GATA3: variants seen among roughly 807,000 people sequenced by gnomAD.
GATA3 encodes the protein GATA binding protein 3, also known as trans-acting T-cell-specific transcription factor GATA-3.
GATA3 carries 6 observed loss-of-function variants against 36.0 expected under a neutral mutation model. The observed-to-expected ratio is 0.17, with a 90% CI of 0.09 to 0.33. The LOEUF (loss-of-function observed/expected upper bound fraction) is 0.33. GATA3 is among the 10% of genes least tolerant of loss of function. GATA3 has a pLI of 1.00. For missense variants in GATA3, 514 were observed against 610.1 expected, an observed-to-expected ratio of 0.84 and a Z score of 1.66; for synonymous variants, 326 against 273.0, an observed-to-expected ratio of 1.19 and a Z score of -1.92.
upstream of GATA3, chr10:8,050,931 G>T (rs1295273114): frequency 2.1e-6 from 1 of 469,160 alleles, no homozygotes; most frequent in Admixed American, 2.4e-5. Context: ...GGCGCCCGGG[G>T]CCGCTTCTCC....
intron 5 of GATA3, 49 bp downstream of exon 5, chr10:8,069,647 C>A (rs1433836967): frequency 1.2e-6 from 2 of 1,609,616 alleles, no homozygotes; most frequent in East Asian, 4.5e-5. Context: ...CTGATGGTGA[C>A]CAGCAAACAG....
rs1832974698 is a variant in GATA3 at position 8,073,962 on chromosome 10, C to T, written c.1274C>T (p.Pro425Leu). 8 of 1,614,066 alleles carry T rather than the reference C, an allele frequency of 5.0e-6. No homozygotes were observed. Among genetic ancestry groups the T allele is most frequent in the African/African-American group, 1.3e-5 (1 of 74,920 alleles). Residue 425 changes from proline to leucine, a missense_variant, in exon 6 of 6, where the codon CCG becomes CTG. By Grantham distance (98) the Pro-to-Leu change is moderately conservative (BLOSUM62 -3). This residue lies in a region of GATA3 where 89 missense variants were observed against 104.2 expected (regional missense o/e 0.85). Transcript: ENST00000379328. ...HMLTTPTPMH[P>L]PSSLSFGPHH... ...CTGACCACGCCCACGCCGATGCACC[C>T]GCCATCCAGCCTGTCCTTTGGACCA...
intron 3 of GATA3, 60 bp from the exon 4 acceptor site, chr10:8,063,933 C>T (rs1832790775): frequency 6.2e-7 from 1 of 1,612,358 alleles, no homozygotes; most frequent in Admixed American, 1.7e-5. Flanking sequence ...GTTCCAAATG[C>T]TGTCAGCTTT....
chr10:8,050,782 A>C, upstream of GATA3: 1 of 342,058 alleles, frequency 2.9e-6, no homozygotes, highest in Non-Finnish European at 6.0e-6. Flanking sequence ...CTCTGCTTGC[A>C]AAGTCTTTAA....
chr10:8,048,883 C>T (rs1363249350), upstream of GATA3, among the ~76,000 whole-genome samples: 2 of 141,570 alleles, frequency 1.4e-5, no homozygotes, highest in African/African-American at 5.2e-5. Flanking sequence ...TTTTCTCAAC[C>T]GGGGAAAAGG....
intron 3 of GATA3, among the ~76,000 whole-genome samples, chr10:8,059,676 A>G (rs900337481): frequency 2.0e-5 from 3 of 152,246 alleles, no homozygotes; most frequent in African/African-American, 7.2e-5. Flanking sequence ...GCTGCCTAGC[A>G]GCACGCTGCA....
At chr10:8,050,150 C>T (rs974544521), upstream of GATA3, among the ~76,000 whole-genome samples, 1 of 152,252 alleles carries the variant, frequency 6.6e-6, no homozygotes, top group African/African-American at 2.4e-5. Context: ...ACCCTCCCTT[C>T]CGCGCAGCCT....
At chr10:8,069,292 A>G (rs1036094941) in intron 4 of GATA3, among the ~76,000 whole-genome samples, 181 bp from the exon 5 acceptor site, 5 of 150,636 alleles carry the variant, frequency 3.3e-5, no homozygotes, top group African/African-American at 4.9e-5. Flanking sequence ...GAGTGGCGAC[A>G]TTTTTCTTCT....
chr10:8,073,835 C>G lies in GATA3; in HGVS notation c.1147C>G (p.Leu383Val), dbSNP rs1487950277. 2 of 1,614,166 alleles carry G rather than the reference C, an allele frequency of 1.2e-6. No homozygotes were observed. The highest frequency in any genetic ancestry group is 1.7e-6 in the Non-Finnish European group (2 of 1,180,020). Residue 383 changes from leucine to valine, a missense_variant, in exon 6 of 6, where the codon CTG becomes GTG. Transcript: ENST00000379328. The part of the protein sequence containing the change: ...SKKCKKVHDS[L>V]EDFPKNSSFN... The stretch of plus-strand genomic sequence containing the variant: ...AAAGTGCAAAAAAGTGCATGACTCA[C>G]TGGAGGACTTCCCCAAGAACAGCTC...
chr10:8,052,869 A>G (rs1158175831), upstream of GATA3: 1 of 128,442 alleles, frequency 7.8e-6, no homozygotes, highest in Non-Finnish European at 1.6e-5. Context: ...TAATAACGGG[A>G]GACCAAGTGG....
At chr10:8,071,221 G>A (rs1040346541) in intron 5 of GATA3, among the ~76,000 whole-genome samples, 1 of 152,200 alleles carries the variant, frequency 6.6e-6, no homozygotes, top group African/African-American at 2.4e-5. Context: ...GCTTGCACAA[G>A]GTAACGTGGC....
At chr10:8,049,535 G>A (rs1244182), upstream of GATA3, among the ~76,000 whole-genome samples, 1 of 152,130 alleles carries the variant, frequency 6.6e-6, no homozygotes. Flanking sequence ...TGCGCGGTCC[G>A]GGGCGCCCTG....
chr10:8,072,872 C>T (rs978384862), intron 5 of GATA3, among the ~76,000 whole-genome samples: 5 of 152,086 alleles, frequency 3.3e-5, no homozygotes, highest in South Asian at 2.1e-4. Context: ...TTGGGCCAGG[C>T]GCGGTGGCTC....
chr10:8,060,723 T>G (rs1832733494), intron 3 of GATA3, among the ~76,000 whole-genome samples: 1 of 152,038 alleles, frequency 6.6e-6, no homozygotes, highest in African/African-American at 2.4e-5. Context: ...TGCCTTAAGT[T>G]TAGTCTTTTC....
At position 8,055,333 on chromosome 10, in the gene GATA3, G is replaced by A. The variant is rs1832608682; in HGVS notation, c.-323G>A. The A allele has an allele frequency of 4.2e-6, 2 of 477,236 alleles. No homozygotes were observed. Among genetic ancestry groups the A allele is most frequent in the Non-Finnish European group, 7.6e-6 (2 of 263,876 alleles). 29.6% of individuals were successfully genotyped at this position (477,236 alleles called of 1,614,324 possible). ...CCTCCGAGCGGCTGAGGACCCCGGT[G>A]CAGAGGAGCCTGGCTCGCAGAATTG... On this transcript the variant is annotated 5_prime_UTR_variant, in exon 2 of 6. Transcript: ENST00000379328. The surrounding 1 kb of genome is among the most constrained non-coding windows in gnomAD (Gnocchi z 5.4).
chr10:8,057,623 C>G (rs772336546), intron 2 of GATA3, among the ~76,000 whole-genome samples: 1 of 152,116 alleles, frequency 6.6e-6, no homozygotes, highest in African/African-American at 2.4e-5. Context: ...ACAGCCCGAG[C>G]AATGAAAACG....
chr10:8,058,786 C>T lies in GATA3; in HGVS notation c.723C>T (p.Gly241=), dbSNP rs1299566005. The T allele has an allele frequency of 1.2e-6, 2 of 1,608,972 alleles. No homozygotes were observed. The highest frequency in any genetic ancestry group is 1.7e-6 in the Non-Finnish European group (2 of 1,179,520). ...TCTTCCCCCCCAGCAGCCTGCTGGG[C>T]GGCTCCCCCACCGGCTTCGGATGCA... The part of the protein sequence containing the change: ...SGLFPPSSLL[G]GSPTGFGCKS... Residue 241 remains glycine, a synonymous_variant, in exon 3 of 6, where the codon GGC becomes GGT. Transcript: ENST00000379328.
chr10:8,064,658 G>A lies in GATA3; in HGVS notation c.924+520G>A, dbSNP rs75035974. Among the ~76,000 whole-genome samples, 96 of 152,276 alleles carry A rather than the reference G, an allele frequency of 6.3e-4. 1 individual carries two copies. The East Asian group carries it at 0.017, about 26-fold the overall frequency. On this transcript the variant is annotated intron_variant, in intron 4 of 5. Coordinates refer to ENST00000379328, the MANE Select transcript of GATA3 (RefSeq NM_001002295.2). ...GTTATGCTAATGCTTCAAAATGGTT[G>A]GAGCTGATTAAATGAATTTCAGAGG... is the stretch of plus-strand genomic sequence containing the variant.
At position 8,058,769 on chromosome 10, in the gene GATA3, C is replaced by T. The variant is rs148835259; in HGVS notation, c.706C>T (p.Pro236Ser). 2.5e-5 allele frequency: 40 copies of T among 1,610,702 alleles called. No individual in the cohort carries two copies. The highest frequency in any genetic ancestry group is 1.9e-4 in the African/African-American group (14 of 74,922). The change falls in exon 3 of 6, where the codon CCC (proline) becomes TCC (serine). Residue 236 changes from proline to serine, a missense_variant. Physicochemically the swap from Pro to Ser is moderately conservative, Grantham distance 74. Transcript: ENST00000379328. Reference protein sequence around the residue: ...VPEYSSGLFPPSSLLGGSPTG... With the variant: ...VPEYSSGLFPSSSLLGGSPTG... ...CGAGTACAGCTCCGGACTCTTCCCCCCCAGCAGCCTGCTGGGCGGCTCCCC... is the reference window on the plus strand; with the variant it reads ...CGAGTACAGCTCCGGACTCTTCCCCTCCAGCAGCCTGCTGGGCGGCTCCCC...
Sources: gnomAD v4.1 joint callset for allele counts (sites outside exome capture counted in the v4.1 genomes callset) on GRCh38, gnomAD v4.1.1 for gene constraint, gnomAD v4.1.1 regional missense constraint, Gnocchi (gnomAD v3.1) non-coding constraint, MANE v1.5 for transcripts, NCBI Gene and HGNC (gene_info 2026-07-23, HGNC 2026-07-21) for gene names.